The following ITPKB variants were observed in gnomAD, a reference collection of about 807,000 sequenced individuals.
ITPKB encodes IP3 3-kinase B.
Under a neutral mutation model 69.4 loss-of-function variants are expected in ITPKB, and 13 were observed. The observed-to-expected ratio is 0.19, with a 90% CI of 0.12 to 0.30. ITPKB has a LOEUF of 0.30. ITPKB is among the 10% of genes least tolerant of loss of function. The pLI is 1.00. For missense variants in ITPKB, 1,240 were observed against 1,250.5 expected (o/e 0.99, Z 0.13); for synonymous variants, 584 against 513.7 (o/e 1.14, Z -1.85).
In ITPKB at chr1:226,665,630, G is replaced by A. The variant is rs79824720; in HGVS notation, c.1933-16859C>T. On this transcript the variant is annotated intron_variant, in intron 2 of 7. Transcript: ENST00000429204. ...AAAAGCTACCTCGGTGGTCACCGGC[G>A]GGGGCTGAGATGGAAGCCAGGATTT... Among the ~76,000 whole-genome samples the A allele has an allele frequency of 4.9e-3, 738 of 151,818 alleles. 17 individuals carry two copies. In the East Asian group the frequency reaches 0.056, roughly 12 times the overall value.
chr1:226,656,223 T>C (rs1669284816), intron 2 of ITPKB, among the ~76,000 whole-genome samples: 1 of 152,036 alleles, frequency 6.6e-6, no homozygotes, highest in Non-Finnish European at 1.5e-5. Context: ...AAAGGGACCT[T>C]GGTTTACCCT....
At position 226,736,624 on chromosome 1, in the gene ITPKB, C is replaced by G; in HGVS notation, c.835G>C (p.Gly279Arg). 6.2e-7 allele frequency: 1 copy of G among 1,613,672 alleles called. No homozygotes were observed. Among genetic ancestry groups the G allele is most frequent in the East Asian group, 2.2e-5 (1 of 44,874 alleles). The change falls in exon 2 of 8, where the codon GGC (glycine) becomes CGC (arginine). Residue 279 changes from glycine (G) to arginine (R), a missense_variant. Transcript: ENST00000429204. ...SPTAMEIDKR[G>R]SPTPGTRSCL... Reference sequence around the variant, plus strand: ...CTCCGAGTTCCCGGGGTAGGAGAGCCCCTTTTGTCAATTTCCATAGCTGTG... The same window carrying G: ...CTCCGAGTTCCCGGGGTAGGAGAGCGCCTTTTGTCAATTTCCATAGCTGTG...
At chr1:226,686,189 T>C (rs193184444) in intron 2 of ITPKB, among the ~76,000 whole-genome samples, 1 of 152,054 alleles carries the variant, frequency 6.6e-6, no homozygotes, top group African/African-American at 2.4e-5. Flanking sequence ...AATGAGGCCA[T>C]GGGGGTGGAT....
intron 2 of ITPKB, among the ~76,000 whole-genome samples, chr1:226,688,051 A>G (rs902769971): frequency 6.6e-6 from 1 of 152,234 alleles, no homozygotes; most frequent in African/African-American, 2.4e-5. Flanking sequence ...AAATACACCC[A>G]AAGTAGAAGC....
intron 2 of ITPKB, chr1:226,669,334 T>G (rs1401709808): frequency 6.6e-6 from 1 of 151,776 alleles, no homozygotes; most frequent in Admixed American, 6.6e-5. Flanking sequence ...GAGGCGGAGG[T>G]TGCAGTGAGC....
intron 2 of ITPKB, among the ~76,000 whole-genome samples, chr1:226,713,257 G>A (rs2102638725): frequency 6.6e-6 from 1 of 152,254 alleles, no homozygotes; most frequent in Admixed American, 6.5e-5. Context: ...CTTCCTTTGA[G>A]TTGCTGCCTG....
chr1:226,734,146 CT>C lies in ITPKB; in HGVS notation c.1932+1380del, dbSNP rs1307531835. Among the ~76,000 whole-genome samples the C allele has an allele frequency of 1.1e-4, 16 of 152,360 alleles. No homozygotes were observed. In the East Asian group the frequency reaches 3.1e-3, roughly 29 times the overall value. ...CCACCATCCCCTTCCAGGTGGACCG[CT>C]TCCCCCTCTAAAGGTGGTGCGCCTA... is the stretch of plus-strand genomic sequence containing the variant. On this transcript the variant is annotated intron_variant, in intron 2 of 7. Coordinates refer to ENST00000429204, the MANE Select transcript of ITPKB (RefSeq NM_002221.4).
intron 2 of ITPKB, among the ~76,000 whole-genome samples, chr1:226,731,521 G>A (rs1165237228): frequency 6.6e-6 from 1 of 152,116 alleles, no homozygotes; most frequent in Non-Finnish European, 1.5e-5. Flanking sequence ...ACAAACACTA[G>A]GCTTTAAATC....
At chr1:226,655,466 G>A (rs79117005) in intron 2 of ITPKB, among the ~76,000 whole-genome samples, 3,968 of 152,324 alleles carry the variant, frequency 0.026, 183 homozygotes, top group African/African-American at 0.091. Context: ...CTCAATCCTA[G>A]GGCAGGGGAG....
chr1:226,695,898 AGCGG>A (rs1656472483), intron 2 of ITPKB, among the ~76,000 whole-genome samples: 1 of 152,072 alleles, frequency 6.6e-6, no homozygotes, highest in Admixed American at 6.5e-5. Flanking sequence ...AAGAGAGGGA[AGCGG>A]GGAGGAGGGG....
At position 226,653,678 on chromosome 1, in the gene ITPKB, C is replaced by T. The variant is rs137921137; in HGVS notation, c.1933-4907G>A. On this transcript the variant is annotated intron_variant, in intron 2 of 7. Transcript: ENST00000429204. ...TTCGGTGGAAAGGAAAGCACCACAA[C>T]GCAGGGGTGCCCCTGGGTAGGTAAA... Among the ~76,000 whole-genome samples the T allele has an allele frequency of 2.0e-5, 3 of 152,366 alleles. No individual in the cohort carries two copies. The East Asian group carries it at 5.8e-4, about 29-fold the overall frequency.
At chr1:226,643,320 C>T (rs909061556) in intron 4 of ITPKB, among the ~76,000 whole-genome samples, 2 of 152,234 alleles carry the variant, frequency 1.3e-5, no homozygotes, top group Non-Finnish European at 2.9e-5. Flanking sequence ...ATCCCACCCC[C>T]GCTCCTCTGC....
chr1:226,675,955 G>T (rs753074945), intron 2 of ITPKB, among the ~76,000 whole-genome samples: 11 of 152,156 alleles, frequency 7.2e-5, no homozygotes, highest in Non-Finnish European at 1.5e-4. Flanking sequence ...CTGGTCAGAG[G>T]AGTATAAGCA....
intron 2 of ITPKB, chr1:226,669,025 T>C (rs1007026459): frequency 1.3e-5 from 2 of 152,238 alleles, no homozygotes; most frequent in African/African-American, 4.8e-5. Flanking sequence ...TGTTTAACTG[T>C]CTGAAATTAT....
At chr1:226,667,826 ATG>A (rs3841844) in intron 2 of ITPKB, among the ~76,000 whole-genome samples, 24,614 of 148,288 alleles carry the variant, frequency 0.17, 2,265 homozygotes, top group East Asian at 0.26. Context: ...GATGAGGAAA[ATG>A]TGTGTGTGTG....
intron 2 of ITPKB, among the ~76,000 whole-genome samples, chr1:226,650,769 A>G (rs1306862910): frequency 1.3e-5 from 2 of 152,326 alleles, no homozygotes; most frequent in East Asian, 3.9e-4. Flanking sequence ...GCCCTAACCC[A>G]TGCCATGTCC....
At chr1:226,673,642 C>T (rs573821760) in intron 2 of ITPKB, among the ~76,000 whole-genome samples, 3 of 152,234 alleles carry the variant, frequency 2.0e-5, no homozygotes, top group Middle Eastern at 3.4e-3. Flanking sequence ...CTAGAGTCAT[C>T]GTATAAACAT....
chr1:226,732,649 A>T (rs924764351), intron 2 of ITPKB, among the ~76,000 whole-genome samples: 1 of 151,400 alleles, frequency 6.6e-6, no homozygotes, highest in Non-Finnish European at 1.5e-5. Context: ...ACAACATTTT[A>T]AGCCTGGTGT....
At chr1:226,665,652 A>T (rs1477583437) in intron 2 of ITPKB, among the ~76,000 whole-genome samples, 1 of 152,142 alleles carries the variant, frequency 6.6e-6, no homozygotes, top group African/African-American at 2.4e-5. Context: ...GGAAGCCAGG[A>T]TTTCTAAACC....
Sources: gnomAD v4.1 joint callset for allele counts (sites outside exome capture counted in the v4.1 genomes callset) on GRCh38, gnomAD v4.1.1 for gene constraint, MANE v1.5 for transcripts, NCBI Gene and HGNC (gene_info 2026-07-23, HGNC 2026-07-21) for gene names.